Variants in COPG2 observed in about 807,000 individuals in gnomAD.
The protein encoded by COPG2 is coatomer subunit gamma-2.
A neutral mutation model predicts 46.3 loss-of-function variants in COPG2; 37 were observed. The ratio of observed to expected loss-of-function variants is 0.80; its 90% CI spans 0.61 to 1.05. The LOEUF (loss-of-function observed/expected upper bound fraction) is 1.05, where lower values mean the gene tolerates loss of function less well. Among genes scored for constraint, COPG2 ranks in the 50% least tolerant of loss-of-function variants. The pLI is 0.00. For synonymous variants in COPG2, 159 were observed against 129.7 expected, an observed-to-expected ratio of 1.23 and a Z score of -1.53; for missense variants, 427 against 387.8, an observed-to-expected ratio of 1.10 and a Z score of -0.85.
intron 5 of COPG2, among the ~76,000 whole-genome samples, chr7:130,622,196 T>G (rs550182167): frequency 5.9e-5 from 9 of 152,270 alleles, no homozygotes; most frequent in South Asian, 2.1e-4. Flanking sequence ...TGCTGGCCAC[T>G]GGTTATTTAA....
At chr7:130,553,059 T>C (rs1793558006) in intron 14 of COPG2, among the ~76,000 whole-genome samples, 1 of 152,108 alleles carries the variant, frequency 6.6e-6, no homozygotes, top group African/African-American at 2.4e-5. Context: ...TGAGCTAAAA[T>C]CTGAAGACCA....
At chr7:130,599,977 T>C (rs185085072) in intron 9 of COPG2, among the ~76,000 whole-genome samples, 1 of 152,322 alleles carries the variant, frequency 6.6e-6, no homozygotes, top group East Asian at 1.9e-4. Flanking sequence ...TAATACTGTA[T>C]ATTCTCTCTT....
At chr7:130,561,337 G>A (rs907948593) in intron 11 of COPG2, 116 bp from the exon 12 acceptor site, 5 of 396,682 alleles carry the variant, frequency 1.3e-5, no homozygotes, top group Non-Finnish European at 2.2e-5. Context: ...AAAAGTAATT[G>A]CTTCAAAAAC....
chr7:130,556,171 T>C (rs1793619763), intron 12 of COPG2, among the ~76,000 whole-genome samples: 2 of 152,198 alleles, frequency 1.3e-5, no homozygotes, highest in African/African-American at 4.8e-5. Context: ...GGAGTAAGTA[T>C]GCCTGTCCTT....
At chr7:130,536,787 T>C (rs1471264885) in intron 20 of COPG2, among the ~76,000 whole-genome samples, 1 of 152,092 alleles carries the variant, frequency 6.6e-6, no homozygotes, top group Non-Finnish European at 1.5e-5. Context: ...AGCTGGGATT[T>C]CCAGCGCCTC....
chr7:130,646,943 G>GTA (rs142314420), intron 5 of COPG2, among the ~76,000 whole-genome samples: 20 of 138,294 alleles, frequency 1.4e-4, no homozygotes, highest in Admixed American at 6.6e-4. Flanking sequence ...ATATATATAC[G>GTA]TATATATATA....
intron 14 of COPG2, among the ~76,000 whole-genome samples, chr7:130,552,641 C>T (rs1202931179): frequency 6.6e-6 from 1 of 152,038 alleles, no homozygotes; most frequent in Non-Finnish European, 1.5e-5. Context: ...GAAAATCTTC[C>T]AAAAATTGAG....
At chr7:130,537,493 C>T (rs1799891550) in intron 20 of COPG2, among the ~76,000 whole-genome samples, 1 of 149,900 alleles carries the variant, frequency 6.7e-6, no homozygotes, top group Admixed American at 6.7e-5. Flanking sequence ...TGGGACAGTA[C>T]CGTGCTATGC....
At chr7:130,525,739 A>C (rs907494646) in intron 20 of COPG2, among the ~76,000 whole-genome samples, 1 of 152,198 alleles carries the variant, frequency 6.6e-6, no homozygotes, top group Non-Finnish European at 1.5e-5. Flanking sequence ...AGTTTAGATC[A>C]GTATCAGCTG....
chr7:130,595,388 T>C (rs902214361), intron 9 of COPG2, among the ~76,000 whole-genome samples: 7 of 152,118 alleles, frequency 4.6e-5, no homozygotes, highest in African/African-American at 1.7e-4. Context: ...TGTTAATGGG[T>C]TGGGTGCTTT....
At chr7:130,563,987 A>G (rs1793761961) in intron 10 of COPG2, among the ~76,000 whole-genome samples, 2 of 152,068 alleles carry the variant, frequency 1.3e-5, no homozygotes. Flanking sequence ...GAAACTTTAA[A>G]AAAAAGCAAT....
intron 9 of COPG2, among the ~76,000 whole-genome samples, chr7:130,587,838 C>G (rs1794305347): frequency 6.6e-6 from 1 of 152,126 alleles, no homozygotes; most frequent in Non-Finnish European, 1.5e-5. Context: ...AAAGAAACCA[C>G]CATCAGAGTG....
intron 7 of COPG2, 65 bp from the exon 8 acceptor site, chr7:130,612,303 G>T: frequency 9.9e-7 from 1 of 1,007,150 alleles, no homozygotes; most frequent in Non-Finnish European, 1.4e-6. Context: ...AGAAACATGA[G>T]TTAGTTTTCT....
chr7:130,591,941 G>A (rs1219383210), intron 9 of COPG2, among the ~76,000 whole-genome samples: 8 of 152,280 alleles, frequency 5.3e-5, no homozygotes, highest in South Asian at 4.1e-4. Flanking sequence ...TGACAATGGC[G>A]GTTTTGTGGA....
At chr7:130,605,655 C>T (rs1794714182) in intron 9 of COPG2, 2 of 491,146 alleles carry the variant, frequency 4.1e-6, no homozygotes, top group Non-Finnish European at 8.2e-6. Flanking sequence ...CAGCTGAAAG[C>T]CAGCAAGGAA....
intron 20 of COPG2, among the ~76,000 whole-genome samples, chr7:130,532,695 A>AG (rs1799840241): frequency 6.6e-6 from 1 of 152,014 alleles, no homozygotes; most frequent in Non-Finnish European, 1.5e-5. Context: ...AAGGGTGTGA[A>AG]AGGTATCGGG....
intron 9 of COPG2, chr7:130,610,615 C>G (rs369850375): frequency 1.5e-5 from 8 of 533,208 alleles, no homozygotes; most frequent in Non-Finnish European, 2.9e-5. Flanking sequence ...AGTACTTCAA[C>G]ATTCTCTTTT....
At chr7:130,611,963 A>G (rs571392169) in intron 8 of COPG2, among the ~76,000 whole-genome samples, 189 bp downstream of exon 8, 1 of 152,346 alleles carries the variant, frequency 6.6e-6, no homozygotes, top group Non-Finnish European at 1.5e-5. Flanking sequence ...GCTTCTATGA[A>G]ACACCTGAAG....
chr7:130,643,188 G>A (rs1315596201), intron 5 of COPG2, among the ~76,000 whole-genome samples: 3 of 151,492 alleles, frequency 2.0e-5, no homozygotes, highest in Admixed American at 6.6e-5. Context: ...CCAGCTACTC[G>A]GGAGGCTGAG....
Sources: gnomAD v4.1 joint callset for allele counts (sites outside exome capture counted in the v4.1 genomes callset) on GRCh38, gnomAD v4.1.1 for gene constraint, MANE v1.5 for transcripts, NCBI Gene and HGNC (gene_info 2026-07-23, HGNC 2026-07-21) for gene names.